The following KCNH6 variants were observed in gnomAD, a reference collection of about 807,000 sequenced individuals.
KCNH6 encodes potassium voltage-gated channel subfamily H member 6, also known as voltage-gated inwardly rectifying potassium channel KCNH6.
In KCNH6, 81 loss-of-function variants were observed where a neutral mutation model predicts 83.4. The observed-to-expected ratio is 0.97, with a 90% confidence interval of 0.81 to 1.17. The LOEUF (loss-of-function observed/expected upper bound fraction) is 1.17, where lower values mean the gene tolerates loss of function less well. KCNH6 is among the 50% of genes most tolerant of loss of function. The pLI, the probability that KCNH6 is intolerant of heterozygous loss-of-function variation, is 0.00. For synonymous variants in KCNH6, 503 were observed against 545.6 expected (o/e 0.92, Z 1.09); for missense variants, 1,203 against 1,290.5 (o/e 0.93, Z 1.04).
chr17:63,528,981 C>T (rs570310492), intron 2 of KCNH6, among the ~76,000 whole-genome samples: 2 of 152,162 alleles, frequency 1.3e-5, no homozygotes, highest in East Asian at 1.9e-4. Flanking sequence ...ACTACAGGTG[C>T]GCACCACCAC....
At chr17:63,527,881 C>T (rs1162702898) in intron 2 of KCNH6, among the ~76,000 whole-genome samples, 2 of 152,256 alleles carry the variant, frequency 1.3e-5, no homozygotes, top group South Asian at 2.1e-4. Flanking sequence ...GGCATGGGGG[C>T]AGGGCATGGG....
At position 63,533,050 on chromosome 17, in the gene KCNH6, C is replaced by T. The variant is rs1336809805; in HGVS notation, c.676-836C>T. 6.6e-6 allele frequency among the ~76,000 whole-genome samples: 1 copy of T among 150,936 alleles called. No homozygotes were observed. The highest frequency in any genetic ancestry group is 2.4e-5 in the African/African-American group (1 of 41,346). ...CCCAAGGCTCACCTATAGCACATGT[C>T]AGACCTGGGATTCAACCGGGGAGGC... On this transcript the variant is annotated intron_variant, in intron 4 of 12. Coordinates refer to ENST00000314672, the MANE Select transcript of KCNH6 (RefSeq NM_001278919.2). This position sits in a 1 kb window ranked among gnomAD's most constrained non-coding sequence, Gnocchi z 4.1.
At position 63,535,541 on chromosome 17, in the gene KCNH6, G is replaced by C; in HGVS notation, c.1102-128G>C. The C allele has an allele frequency of 1.2e-6, 1 of 865,996 alleles. No individual in the cohort carries two copies. Among genetic ancestry groups the C allele is most frequent in the Non-Finnish European group, 1.8e-6 (1 of 567,620 alleles). 53.6% of individuals were successfully genotyped at this position (865,996 alleles called of 1,614,324 possible). ...TGCCACACTGCCAAGTGCGTGGCCC[G>C]GAGGAAGTTCTCCATAAATGTTTGT... On this transcript the variant is annotated intron_variant, in intron 5 of 12. Coordinates refer to ENST00000314672, the MANE Select transcript of KCNH6 (RefSeq NM_001278919.2). The surrounding 1 kb of genome is among the most constrained non-coding windows in gnomAD (Gnocchi z 4.9).
Position 63,538,347 on chromosome 17 carries a change from A to G in KCNH6, c.1702-63A>G. ...GGGGCGGGGCGTCCCCAGAGCCCTCACCACCCTCTCCCCCAGCCCCACCCC... is the reference window on the plus strand; with the variant it reads ...GGGGCGGGGCGTCCCCAGAGCCCTCGCCACCCTCTCCCCCAGCCCCACCCC... On this transcript the variant is annotated intron_variant, in intron 7 of 12. Coordinates refer to ENST00000314672, the MANE Select transcript of KCNH6 (RefSeq NM_001278919.2). The surrounding 1 kb of genome is among the most constrained non-coding windows in gnomAD (Gnocchi z 4.0). 1 of 1,599,822 alleles carries G rather than the reference A, an allele frequency of 6.3e-7. No homozygotes were observed. The highest frequency in any genetic ancestry group is 1.1e-5 in the South Asian group (1 of 90,458).
In KCNH6 at chr17:63,534,351, T is replaced by C; in HGVS notation, c.1101+40T>C. 6.4e-7 allele frequency: 1 copy of C among 1,562,292 alleles called. No individual in the cohort carries two copies. The highest frequency in any genetic ancestry group is 8.7e-7 in the Non-Finnish European group (1 of 1,149,796). On this transcript the variant is annotated intron_variant, in intron 5 of 12. Transcript: ENST00000314672. The surrounding 1 kb of genome is among the most constrained non-coding windows in gnomAD (Gnocchi z 5.0). ...TCCAGGCCAGCAGCCATGGCTGTCC[T>C]CTGCACGCTGGCCTCAAGCCCTCCC...
At chr17:63,527,846 C>T (rs2031820509) in intron 2 of KCNH6, among the ~76,000 whole-genome samples, 2 of 152,176 alleles carry the variant, frequency 1.3e-5, no homozygotes, top group South Asian at 4.1e-4. Context: ...TCCTAGCCTC[C>T]TGTCTGCCTA....
At position 63,535,846 on chromosome 17, in the gene KCNH6, C is replaced by G. The variant is rs747103127; in HGVS notation, c.1279C>G (p.Arg427Gly). The stretch of plus-strand genomic sequence containing the variant: ...CTGGTACGCCATCGGCAATGTGGAG[C>G]GGCCCTACCTAGAACACAAGATCGG... ...CIWYAIGNVE[R>G]PYLEHKIGWL... Residue 427 changes from arginine (R) to glycine (G), a missense_variant, in exon 6 of 13, where the codon CGG becomes GGG. Coordinates refer to ENST00000314672, the MANE Select transcript of KCNH6 (RefSeq NM_001278919.2). This position sits in a 1 kb window ranked among gnomAD's most constrained non-coding sequence, Gnocchi z 4.9. The G allele has an allele frequency of 1.9e-6, 3 of 1,614,056 alleles. No homozygotes were observed. The African/African-American group carries it at 4.0e-5, about 22-fold the overall frequency.
rs142533520 is a variant in KCNH6, at chr17:63,524,160, A to G, written c.98A>G (p.Asn33Ser). The G allele has an allele frequency of 8.2e-5, 132 of 1,614,042 alleles. No homozygotes were observed. The African/African-American group carries it at 1.5e-3, about 19-fold the overall frequency. ...EGQSRKFLIANAQMENCAIIY... is the reference protein window; with the variant it reads ...EGQSRKFLIASAQMENCAIIY... ...CCAGGTCGGAAGTTCCTGATTGCCA[A>G]TGCTCAGATGGAGAACTGCGCCATC... is the stretch of plus-strand genomic sequence containing the variant. Residue 33 changes from asparagine to serine, a missense_variant, in exon 2 of 13, where the codon AAT (asparagine) becomes AGT (serine). Asn to Ser is a conservative substitution (Grantham distance 46). Coordinates refer to ENST00000314672, the MANE Select transcript of KCNH6 (RefSeq NM_001278919.2).
chr17:63,545,195 G>A lies in KCNH6; in HGVS notation c.2514G>A (p.Leu838=). The A allele has an allele frequency of 6.2e-7, 1 of 1,613,792 alleles. No homozygotes were observed. The highest frequency in any genetic ancestry group is 1.1e-5 in the South Asian group (1 of 91,084). ...CCCCTGCCTCCAATGACCTGGCCTT[G>A]GTTCCTATAGCCTCGGAGACGACGA... The part of the protein sequence containing the change: ...LEAPASNDLA[L]VPIASETTSP... The change falls in exon 12 of 13, where the codon TTG becomes TTA. Residue 838 remains leucine (L), a synonymous_variant. Transcript: ENST00000314672.
At chr17:63,548,881 A>G (rs1000031491), downstream of KCNH6, 1 of 152,154 alleles carries the variant, frequency 6.6e-6, no homozygotes, top group African/African-American at 2.4e-5. Context: ...GAATCACTTG[A>G]ACCCTAAAGG....
chr17:63,545,960 TC>T lies in KCNH6; in HGVS notation c.*59del. 6.4e-7 allele frequency: 1 copy of T among 1,554,328 alleles called. No homozygotes were observed. The highest frequency in any genetic ancestry group is 8.8e-7 in the Non-Finnish European group (1 of 1,139,906). On this transcript the variant is annotated 3_prime_UTR_variant, in exon 13 of 13. Transcript: ENST00000314672. ...AGGTGGGCAAGGTGAGAGTTAAGGA[TC>T]TTGGGGAGGTGGCCGGGTGCAGTGG...
Position 63,545,919 on chromosome 17 carries a change from A to G in KCNH6, c.*17A>G. On this transcript the variant is annotated 3_prime_UTR_variant, in exon 13 of 13. Coordinates refer to ENST00000314672, the MANE Select transcript of KCNH6 (RefSeq NM_001278919.2). ...GGCCACTGAACTCCAAGATAAAGACACCATGAGGGGACTGAAGGTGGGCAA... is the reference window on the plus strand; with the variant it reads ...GGCCACTGAACTCCAAGATAAAGACGCCATGAGGGGACTGAAGGTGGGCAA... 1 of 1,610,738 alleles carries G rather than the reference A, an allele frequency of 6.2e-7. No individual in the cohort carries two copies. The highest frequency in any genetic ancestry group is 2.2e-5 in the East Asian group (1 of 44,834).
Position 63,534,800 on chromosome 17 carries a change from G to T in KCNH6, c.1101+489G>T, listed in dbSNP as rs776757969. ...GTCTCCTCTTGCCCCCTCTCCTCAC[G>T]ATCAGCTTTTCACTGAAATCAACTC... On this transcript the variant is annotated intron_variant, in intron 5 of 12. Transcript: ENST00000314672. This position sits in a 1 kb window ranked among gnomAD's most constrained non-coding sequence, Gnocchi z 5.0. 6.6e-6 allele frequency among the ~76,000 whole-genome samples: 1 copy of T among 151,954 alleles called. No individual in the cohort carries two copies. Among genetic ancestry groups the T allele is most frequent in the Non-Finnish European group, 1.5e-5 (1 of 67,980 alleles).
intron 10 of KCNH6, chr17:63,543,862 AGAGT>A (rs1468820869): frequency 6.4e-6 from 4 of 629,654 alleles, no homozygotes; most frequent in Middle Eastern, 4.4e-4. Flanking sequence ...CCTCAGAGGC[AGAGT>A]GAGGGCTCTG....
Position 63,538,661 on chromosome 17 carries a change from A to G in KCNH6, c.1953A>G (p.Leu651=). The G allele has an allele frequency of 6.3e-7, 1 of 1,582,450 alleles. No homozygotes were observed. The highest frequency in any genetic ancestry group is 8.6e-7 in the Non-Finnish European group (1 of 1,160,770). ...ILRDDVVVAI[L]GKNDIFGEPV... The stretch of plus-strand genomic sequence containing the variant: ...GCGACGACGTGGTCGTGGCCATCCT[A>G]GGTGGGTCCGGCGGAGTGGACCAGG... The change falls in exon 8 of 13, where the codon CTA becomes CTG. Residue 651 remains leucine, a splice_region_variant and synonymous_variant. Coordinates refer to ENST00000314672, the MANE Select transcript of KCNH6 (RefSeq NM_001278919.2). This position sits in a 1 kb window ranked among gnomAD's most constrained non-coding sequence, Gnocchi z 4.0.
intron 8 of KCNH6, among the ~76,000 whole-genome samples, chr17:63,540,947 C>T (rs1021769251): frequency 3.3e-5 from 5 of 152,216 alleles, no homozygotes; most frequent in African/African-American, 1.2e-4. Context: ...ACAGCCCCCA[C>T]TTCACTTCCT....
chr17:63,534,350 C>G lies in KCNH6; in HGVS notation c.1101+39C>G. ...CTCCAGGCCAGCAGCCATGGCTGTC[C>G]TCTGCACGCTGGCCTCAAGCCCTCC... On this transcript the variant is annotated intron_variant, in intron 5 of 12. Coordinates refer to ENST00000314672, the MANE Select transcript of KCNH6 (RefSeq NM_001278919.2). This position sits in a 1 kb window ranked among gnomAD's most constrained non-coding sequence, Gnocchi z 5.0. 6.4e-7 allele frequency: 1 copy of G among 1,563,210 alleles called. No homozygotes were observed. Among genetic ancestry groups the G allele is most frequent in the Non-Finnish European group, 8.7e-7 (1 of 1,150,582 alleles).
chr17:63,525,216 G>A (rs1223874439), intron 2 of KCNH6, among the ~76,000 whole-genome samples: 1 of 152,216 alleles, frequency 6.6e-6, no homozygotes, highest in Admixed American at 6.5e-5. Context: ...TGGTTCTGAT[G>A]TCCTGCTTAC....
chr17:63,544,241 T>C lies in KCNH6; in HGVS notation c.2234-8T>C, dbSNP rs756557603. ...GGCCCAGCTGAGACTTCCCTTTCCC[T>C]CCTGCAGATGCAGCCCCTCCCCTGA... On this transcript the variant is annotated splice_region_variant and splice_polypyrimidine_tract_variant and intron_variant, in intron 10 of 12. Coordinates refer to ENST00000314672, the MANE Select transcript of KCNH6 (RefSeq NM_001278919.2). 1.3e-6 allele frequency: 2 copies of C among 1,582,194 alleles called. No individual in the cohort carries two copies. Among genetic ancestry groups the C allele is most frequent in the Non-Finnish European group, 1.7e-6 (2 of 1,161,286 alleles).
Sources: allele counts gnomAD v4.1 joint callset (sites outside exome capture counted in the v4.1 genomes callset), GRCh38; gene constraint gnomAD v4.1.1; non-coding constraint Gnocchi (gnomAD v3.1); transcripts MANE v1.5; gene names NCBI Gene and HGNC (gene_info 2026-07-23, HGNC 2026-07-21).